Variants in LRMDA observed in about 807,000 individuals in gnomAD.
LRMDA encodes the protein leucine-rich melanocyte differentiation-associated protein.
In LRMDA, 18 loss-of-function variants were observed where a neutral mutation model predicts 29.8. The ratio of observed to expected loss-of-function variants is 0.60; its 90% CI spans 0.42 to 0.90. LRMDA has a LOEUF of 0.90. Among genes scored for constraint, LRMDA ranks in the 40% least tolerant of loss-of-function variants. The pLI, the probability that LRMDA is intolerant of heterozygous loss-of-function variation, is 0.00. For synonymous variants in LRMDA, 125 were observed against 109.4 expected, an observed-to-expected ratio of 1.14 and a Z score of -0.89; for missense variants, 273 against 273.9, an observed-to-expected ratio of 1.00 and a Z score of 0.02.
intron 2 of LRMDA, among the ~76,000 whole-genome samples, chr10:76,000,924 T>C (rs1847552120): frequency 6.6e-6 from 1 of 152,096 alleles, no homozygotes. Context: ...CATGCACCAT[T>C]AGAAAACAAG....
intron 6 of LRMDA, among the ~76,000 whole-genome samples, chr10:76,401,068 C>T (rs933164112): frequency 6.6e-6 from 1 of 152,140 alleles, no homozygotes; most frequent in African/African-American, 2.4e-5. Context: ...TTTGGATTTT[C>T]AGCTTAGGGA....
At chr10:76,173,794 G>A (rs1365906686) in intron 5 of LRMDA, among the ~76,000 whole-genome samples, 1 of 152,150 alleles carries the variant, frequency 6.6e-6, no homozygotes, top group East Asian at 1.9e-4. Flanking sequence ...CCGAGTAGCT[G>A]GGACTACAGG....
chr10:75,902,479 G>A (rs927439861), intron 2 of LRMDA, among the ~76,000 whole-genome samples: 51 of 146,764 alleles, frequency 3.5e-4, no homozygotes, highest in African/African-American at 1.2e-3. Flanking sequence ...AAGCAGTACC[G>A]GACATGCATA....
At chr10:76,204,000 ATCCACCCATCTCTATTTCATGTGCCTG>A (rs1851485111) in intron 5 of LRMDA, among the ~76,000 whole-genome samples, 4 of 123,792 alleles carry the variant, frequency 3.2e-5, no homozygotes, top group Non-Finnish European at 4.9e-5. Context: ...CCATGTGCCC[ATCCACCCATCTCTATTTCATGTGCCTG>A]TCCACCCATC....
chr10:75,919,028 C>T (rs1012773489), intron 2 of LRMDA, among the ~76,000 whole-genome samples: 4 of 152,120 alleles, frequency 2.6e-5, no homozygotes, highest in Non-Finnish European at 5.9e-5. Context: ...GTGGGCTTTA[C>T]GTATCTTAAA....
At chr10:76,010,856 G>T (rs1847766858) in intron 2 of LRMDA, among the ~76,000 whole-genome samples, 1 of 152,266 alleles carries the variant, frequency 6.6e-6, no homozygotes, top group East Asian at 1.9e-4. Flanking sequence ...CTGCAGAGAT[G>T]CAAGCATGGC....
At chr10:76,208,920 G>C (rs149539400) in intron 5 of LRMDA, among the ~76,000 whole-genome samples, 1 of 152,056 alleles carries the variant, frequency 6.6e-6, no homozygotes, top group East Asian at 1.9e-4. Context: ...TTGGGAGGCC[G>C]AGGAGGGCGG....
chr10:76,008,566 G>C (rs1216894361), intron 2 of LRMDA, among the ~76,000 whole-genome samples: 3 of 152,264 alleles, frequency 2.0e-5, no homozygotes, highest in Non-Finnish European at 4.4e-5. Flanking sequence ...CAGCATCACT[G>C]TGCAGGGCAC....
chr10:76,549,051 A>G (rs1313838752), intron 6 of LRMDA, among the ~76,000 whole-genome samples: 1 of 152,168 alleles, frequency 6.6e-6, no homozygotes. Flanking sequence ...ATTATATGAC[A>G]GACTATATGA....
intron 2 of LRMDA, among the ~76,000 whole-genome samples, chr10:75,865,501 G>A (rs1304188231): frequency 6.6e-6 from 1 of 152,064 alleles, no homozygotes; most frequent in Admixed American, 6.6e-5. Flanking sequence ...AAAATCTATG[G>A]AATTCTTGAG....
At chr10:76,006,573 A>G (rs1589285545) in intron 2 of LRMDA, among the ~76,000 whole-genome samples, 1 of 152,186 alleles carries the variant, frequency 6.6e-6, no homozygotes, top group East Asian at 1.9e-4. Flanking sequence ...ATATTTAATA[A>G]TCATCTGTCT....
chr10:75,481,750 T>C (rs1844857717), intron 2 of LRMDA, among the ~76,000 whole-genome samples: 1 of 152,196 alleles, frequency 6.6e-6, no homozygotes, highest in South Asian at 2.1e-4. Context: ...CTTCCTTATC[T>C]CTCTTCATCT....
chr10:75,741,277 A>G (rs1842825885), intron 2 of LRMDA, among the ~76,000 whole-genome samples: 1 of 152,180 alleles, frequency 6.6e-6, no homozygotes, highest in Non-Finnish European at 1.5e-5. Context: ...TGTAGGACTG[A>G]GGTCCCTGTT....
intron 2 of LRMDA, among the ~76,000 whole-genome samples, chr10:75,457,702 T>C (rs1844536599): frequency 5.9e-5 from 9 of 152,216 alleles, no homozygotes; most frequent in Admixed American, 5.2e-4. Flanking sequence ...ATCTCAGATA[T>C]GTTTTAGTCC....
chr10:76,289,413 A>AT (rs199676327), intron 5 of LRMDA, among the ~76,000 whole-genome samples: 2 of 152,136 alleles, frequency 1.3e-5, no homozygotes, highest in Admixed American at 6.5e-5. Context: ...TTCCAATGTT[A>AT]TTTTTTTCAA....
chr10:75,626,404 C>T (rs1176567567), intron 2 of LRMDA, among the ~76,000 whole-genome samples: 1 of 152,104 alleles, frequency 6.6e-6, no homozygotes, highest in Admixed American at 6.5e-5. Context: ...TGTGCTCTAG[C>T]AGAGAACCTG....
At chr10:75,873,258 AT>A (rs1404103761) in intron 2 of LRMDA, among the ~76,000 whole-genome samples, 1 of 152,246 alleles carries the variant, frequency 6.6e-6, no homozygotes, top group East Asian at 1.9e-4. Flanking sequence ...ACATTCTATC[AT>A]TTCTAACAGC....
intron 6 of LRMDA, among the ~76,000 whole-genome samples, chr10:76,474,596 T>C (rs1035906681): frequency 2.0e-5 from 3 of 151,694 alleles, no homozygotes; most frequent in Admixed American, 6.6e-5. Flanking sequence ...AAAGAAGATA[T>C]AGAAATAGCC....
intron 2 of LRMDA, among the ~76,000 whole-genome samples, chr10:75,691,136 AGAT>A (rs1313767000): frequency 1.1e-4 from 11 of 103,464 alleles, no homozygotes; most frequent in South Asian, 6.0e-4. Flanking sequence ...ATAGATATAT[AGAT>A]CTATATATCT....
Sources: allele counts gnomAD v4.1 joint callset (sites outside exome capture counted in the v4.1 genomes callset), GRCh38; gene constraint gnomAD v4.1.1; transcripts MANE v1.5; gene names NCBI Gene and HGNC (gene_info 2026-07-23, HGNC 2026-07-21).